Variants in MAML2 observed in about 807,000 individuals in gnomAD.
The protein encoded by MAML2 is mastermind-like protein 2.
Under a neutral mutation model 96.1 loss-of-function variants are expected in MAML2, and 22 were observed. The observed-to-expected ratio is 0.23, with a 90% CI of 0.16 to 0.33. The LOEUF is 0.33. Ranked by LOEUF, MAML2 falls within the 10% of genes least tolerant of loss-of-function variation. The probability of loss-of-function intolerance (pLI) is 1.00; values close to 1 mark genes in which losing one functional copy is unlikely to be tolerated. For missense variants in MAML2, 1,367 were observed against 1,392.4 expected (o/e 0.98, Z 0.29); for synonymous variants, 561 against 521.3 (o/e 1.08, Z -1.04).
At chr11:96,007,241 G>C (rs545370187) in intron 2 of MAML2, among the ~76,000 whole-genome samples, 3 of 149,502 alleles carry the variant, frequency 2.0e-5, no homozygotes, top group Middle Eastern at 3.6e-3. Flanking sequence ...TTGATCTCCC[G>C]ACCTCGTGAT....
intron 1 of MAML2, among the ~76,000 whole-genome samples, chr11:96,273,335 T>A (rs181730909): frequency 2.0e-5 from 3 of 152,346 alleles, no homozygotes; most frequent in African/African-American, 7.2e-5. Context: ...TATTTTTTTT[T>A]AAAGTTCAAA....
At chr11:96,232,370 T>C (rs979779854) in intron 1 of MAML2, among the ~76,000 whole-genome samples, 6 of 152,162 alleles carry the variant, frequency 3.9e-5, no homozygotes, top group Non-Finnish European at 8.8e-5. Context: ...AGGATCACTG[T>C]GGTGGGCAAT....
chr11:96,034,456 A>AGAGAGAGAGAGAGTGTGTGT (rs766634690), intron 2 of MAML2, among the ~76,000 whole-genome samples: 4 of 144,734 alleles, frequency 2.8e-5, no homozygotes, highest in African/African-American at 1.1e-4. Flanking sequence ...AGAGAGAGAG[A>AGAGAGAGAGAGAGTGTGTGT]GTGTGTGTGT....
At position 96,092,426 on chromosome 11, in the gene MAML2, C is replaced by G. The variant is rs1215092989; in HGVS notation, c.1605G>C (p.Gln535His). 11 of 1,613,796 alleles carry G rather than the reference C, an allele frequency of 6.8e-6. No homozygotes were observed. Among genetic ancestry groups the G allele is most frequent in the African/African-American group, 1.3e-5 (1 of 74,912 alleles). ...TGTTAATAAAACTTCGACTGAGATC[C>G]TGAGGCTTTTGCTGCATGAGGACAT... ...HLDVLMQQKP[Q>H]DLSRSFINNP... Residue 535 changes from glutamine to histidine, a missense_variant, in exon 2 of 5, where the codon CAG (glutamine) becomes CAC (histidine). Gln to His is a conservative substitution (Grantham distance 24). Transcript: ENST00000524717. This position sits in a 1 kb window ranked among gnomAD's most constrained non-coding sequence, Gnocchi z 4.1.
chr11:96,019,555 C>A (rs1858403970), intron 2 of MAML2, among the ~76,000 whole-genome samples: 1 of 151,898 alleles, frequency 6.6e-6, no homozygotes. Flanking sequence ...GTCACTCACT[C>A]ACTTGAGATA....
chr11:96,057,392 T>A (rs1421120451), intron 2 of MAML2, among the ~76,000 whole-genome samples: 1 of 152,164 alleles, frequency 6.6e-6, no homozygotes, highest in Non-Finnish European at 1.5e-5. Flanking sequence ...TCAATGTCTG[T>A]CCATTTATCT....
chr11:96,076,726 C>G (rs1859446538), intron 2 of MAML2, among the ~76,000 whole-genome samples: 2 of 152,340 alleles, frequency 1.3e-5, no homozygotes, highest in Non-Finnish European at 2.9e-5. Context: ...TGCAGACCCA[C>G]AGACAGTTGG....
chr11:96,019,685 T>TA (rs1565191213), intron 2 of MAML2, among the ~76,000 whole-genome samples: 46 of 2,690 alleles, frequency 0.017, no homozygotes, highest in East Asian at 0.054. Flanking sequence ...TAATAATAAT[T>TA]ATAATAATAA....
intron 1 of MAML2, among the ~76,000 whole-genome samples, chr11:96,122,395 G>C (rs1860363456): frequency 6.6e-6 from 1 of 151,812 alleles, no homozygotes; most frequent in Non-Finnish European, 1.5e-5. Context: ...GTGCCCTACT[G>C]TATATGGGTT....
intron 2 of MAML2, among the ~76,000 whole-genome samples, chr11:96,004,698 T>C (rs1329278743): frequency 6.6e-6 from 1 of 152,234 alleles, no homozygotes; most frequent in East Asian, 1.9e-4. Context: ...GGGCAAATTA[T>C]ACAATTTTGT....
At chr11:96,208,943 CGAT>C (rs1035218566) in intron 1 of MAML2, among the ~76,000 whole-genome samples, 2 of 152,110 alleles carry the variant, frequency 1.3e-5, no homozygotes, top group African/African-American at 4.8e-5. Flanking sequence ...GTTAACAACT[CGAT>C]GTGTCAGTTA....
intron 2 of MAML2, among the ~76,000 whole-genome samples, chr11:96,041,552 A>G (rs1474549127): frequency 3.3e-5 from 5 of 151,902 alleles, no homozygotes; most frequent in African/African-American, 1.2e-4. Context: ...GAAAGAAAGA[A>G]AGAAAGAAAA....
chr11:96,104,362 A>G (rs1283932942), intron 1 of MAML2, among the ~76,000 whole-genome samples: 2 of 152,258 alleles, frequency 1.3e-5, no homozygotes, highest in Admixed American at 6.5e-5. Flanking sequence ...GCATGATGAT[A>G]AATTTTTCTC....
chr11:96,252,683 C>G (rs970978316), intron 1 of MAML2, among the ~76,000 whole-genome samples: 1 of 152,142 alleles, frequency 6.6e-6, no homozygotes, highest in Non-Finnish European at 1.5e-5. Context: ...CAGACACTAA[C>G]ATCACTGCTA....
chr11:96,069,133 G>C (rs1302467995), intron 2 of MAML2, among the ~76,000 whole-genome samples: 2 of 151,888 alleles, frequency 1.3e-5, no homozygotes, highest in African/African-American at 4.8e-5. Context: ...TCACTATGCT[G>C]TGCAGGCTGG....
intron 1 of MAML2, among the ~76,000 whole-genome samples, chr11:96,268,166 A>T (rs1862857419): frequency 6.6e-6 from 1 of 152,186 alleles, no homozygotes; most frequent in African/African-American, 2.4e-5. Flanking sequence ...CTACCATAGC[A>T]TCTTTAAGCA....
chr11:95,983,639 T>C (rs1024134578), intron 4 of MAML2, among the ~76,000 whole-genome samples: 3 of 152,192 alleles, frequency 2.0e-5, no homozygotes, highest in African/African-American at 7.2e-5. Flanking sequence ...ACACACTGTT[T>C]ACATACATCA....
chr11:96,006,438 T>G (rs1318777995), intron 2 of MAML2, among the ~76,000 whole-genome samples: 1 of 152,176 alleles, frequency 6.6e-6, no homozygotes, highest in Non-Finnish European at 1.5e-5. Context: ...CTGTCTACAT[T>G]GATCAAATAA....
intron 1 of MAML2, among the ~76,000 whole-genome samples, chr11:96,106,960 T>C (rs1860032661): frequency 7.6e-6 from 1 of 132,442 alleles, no homozygotes; most frequent in South Asian, 2.6e-4. Context: ...AAACATGCCA[T>C]TGTAACTATG....
Sources: allele counts gnomAD v4.1 joint callset (sites outside exome capture counted in the v4.1 genomes callset), GRCh38; gene constraint gnomAD v4.1.1; non-coding constraint Gnocchi (gnomAD v3.1); transcripts MANE v1.5; gene names NCBI Gene and HGNC (gene_info 2026-07-23, HGNC 2026-07-21).